The following LRBA variants were observed in gnomAD, a reference collection of about 807,000 sequenced individuals.
LRBA encodes lipopolysaccharide-responsive and beige-like anchor protein.
Under a neutral mutation model 330.0 loss-of-function variants are expected in LRBA, and 176 were observed. The ratio of observed to expected loss-of-function variants is 0.53; its 90% confidence interval spans 0.47 to 0.60. The LOEUF is 0.60. Ranked by LOEUF, LRBA falls within the 20% of genes least tolerant of loss-of-function variation. The probability of loss-of-function intolerance (pLI) is 0.00; values close to 1 mark genes in which losing one functional copy is unlikely to be tolerated. For missense variants in LRBA, 3,259 were observed against 3,444.8 expected (o/e 0.95, Z 1.35); for synonymous variants, 1,230 against 1,193.0 (o/e 1.03, Z -0.64).
chr4:150,540,256 G>A (rs1765169430), intron 40 of LRBA, among the ~76,000 whole-genome samples: 1 of 152,202 alleles, frequency 6.6e-6, no homozygotes, highest in Non-Finnish European at 1.5e-5. Context: ...GTCTCACTCT[G>A]TCACCCAGGC....
chr4:150,697,033 G>GAA (rs903444711), intron 36 of LRBA, among the ~76,000 whole-genome samples: 3 of 130,718 alleles, frequency 2.3e-5, no homozygotes, highest in African/African-American at 5.6e-5. Flanking sequence ...AAAGAAAAAA[G>GAA]AAAAAAAAAA....
intron 26 of LRBA, among the ~76,000 whole-genome samples, chr4:150,848,073 G>A (rs1750093655): frequency 6.6e-6 from 1 of 151,892 alleles, no homozygotes; most frequent in South Asian, 2.1e-4. Context: ...GCAGTGCAGT[G>A]GTGTGATCTT....
rs56731034 is a variant in LRBA, at chr4:150,639,819, G to GTATA, written c.5922-40692_5922-40689dup. On this transcript the variant is annotated intron_variant, in intron 37 of 56. Transcript: ENST00000651943. ...TATATATATATATGTGTGTGTGTGT[G>GTATA]TATATATATATATATATATATATAT... 2.2e-3 allele frequency among the ~76,000 whole-genome samples: 10 copies of GTATA among 4,512 alleles called. 1 individual carries two copies. The highest frequency in any genetic ancestry group is 2.8e-3 in the Non-Finnish European group (7 of 2,528). The allele number at this position is 4,512 out of a possible 152,430, so 3.0% of individuals were successfully genotyped here. A position where few individuals can be genotyped will look rare whatever the true frequency, so the allele number is the denominator to read the frequency against.
intron 15 of LRBA, among the ~76,000 whole-genome samples, 163 bp downstream of exon 15, chr4:150,897,576 G>T (rs1166583021): frequency 6.6e-6 from 1 of 151,586 alleles, no homozygotes; most frequent in Non-Finnish European, 1.5e-5. Flanking sequence ...ATCCATATAG[G>T]CTCCAAAAAA....
chr4:150,787,879 G>A (rs1304725968), intron 34 of LRBA, among the ~76,000 whole-genome samples: 1 of 152,030 alleles, frequency 6.6e-6, no homozygotes, highest in Non-Finnish European at 1.5e-5. Flanking sequence ...TTTGCCTATT[G>A]TGAACAGTGC....
At chr4:150,771,005 T>C (rs1041021702) in intron 34 of LRBA, among the ~76,000 whole-genome samples, 5 of 152,258 alleles carry the variant, frequency 3.3e-5, no homozygotes, top group African/African-American at 1.2e-4. Context: ...GATAACTCCA[T>C]TTTTGCCTGA....
intron 34 of LRBA, among the ~76,000 whole-genome samples, chr4:150,797,201 C>T (rs934953177): frequency 1.9e-4 from 29 of 151,880 alleles, no homozygotes; most frequent in African/African-American, 7.0e-4. Context: ...CATATAGGCA[C>T]TAAAACAAAT....
At chr4:150,700,167 A>C (rs1434266926) in intron 36 of LRBA, among the ~76,000 whole-genome samples, 2 of 152,146 alleles carry the variant, frequency 1.3e-5, no homozygotes, top group Non-Finnish European at 2.9e-5. Context: ...TTTCATATTT[A>C]TTGATATTAT....
intron 34 of LRBA, among the ~76,000 whole-genome samples, chr4:150,788,197 C>T (rs952990305): frequency 3.3e-5 from 5 of 151,314 alleles, no homozygotes; most frequent in African/African-American, 1.2e-4. Flanking sequence ...CCCAGCCTCC[C>T]AAGTGGCTGG....
chr4:150,995,366 C>T (rs927464110), intron 2 of LRBA, among the ~76,000 whole-genome samples: 1 of 151,102 alleles, frequency 6.6e-6, no homozygotes, highest in Non-Finnish European at 1.5e-5. Context: ...GAAAAAAGCC[C>T]CCAAGAATCA....
intron 40 of LRBA, among the ~76,000 whole-genome samples, chr4:150,527,798 T>C (rs1385942459): frequency 6.6e-6 from 1 of 152,152 alleles, no homozygotes; most frequent in Non-Finnish European, 1.5e-5. Flanking sequence ...ATTTGTACAA[T>C]ATTTAGATGG....
chr4:150,269,246 A>AACTT (rs564531186), intron 56 of LRBA, among the ~76,000 whole-genome samples: 39 of 152,316 alleles, frequency 2.6e-4, no homozygotes, highest in Admixed American at 9.8e-4. Flanking sequence ...CTGATTTGAA[A>AACTT]ACTTACTTAC....
intron 33 of LRBA, among the ~76,000 whole-genome samples, chr4:150,804,000 A>C (rs1434798703): frequency 6.6e-6 from 1 of 152,154 alleles, no homozygotes; most frequent in Admixed American, 6.5e-5. Flanking sequence ...GGCTGTATTT[A>C]ATACATACAT....
chr4:150,332,901 A>G (rs571329376), intron 48 of LRBA, among the ~76,000 whole-genome samples: 1 of 152,296 alleles, frequency 6.6e-6, no homozygotes, highest in African/African-American at 2.4e-5. Context: ...TGGATCTTCA[A>G]ATGGAAATAT....
intron 40 of LRBA, among the ~76,000 whole-genome samples, chr4:150,560,990 A>C (rs146386212): frequency 0.016 from 2,361 of 152,222 alleles, 32 homozygotes; most frequent in Non-Finnish European, 0.025. Flanking sequence ...CATCTCAAAA[A>C]AAAGAAAAAG....
intron 35 of LRBA, among the ~76,000 whole-genome samples, chr4:150,747,616 G>C (rs1252876726): frequency 2.0e-5 from 3 of 152,178 alleles, no homozygotes; most frequent in Non-Finnish European, 4.4e-5. Context: ...CAAACAGCAA[G>C]ATAACTGTGA....
chr4:150,523,116 G>T (rs114821550), intron 40 of LRBA, among the ~76,000 whole-genome samples: 4,287 of 152,308 alleles, frequency 0.028, 204 homozygotes, highest in South Asian at 0.24. Context: ...TATTCTGGAC[G>T]TTAAACTTTT....
At chr4:150,953,440 A>G (rs1737094624) in intron 2 of LRBA, among the ~76,000 whole-genome samples, 1 of 119,174 alleles carries the variant, frequency 8.4e-6, no homozygotes, top group Non-Finnish European at 1.6e-5. Context: ...TACTGCCGCC[A>G]TCTCGGCTCA....
intron 48 of LRBA, among the ~76,000 whole-genome samples, chr4:150,345,860 C>G (rs577176672): frequency 6.6e-6 from 1 of 152,148 alleles, no homozygotes; most frequent in African/African-American, 2.4e-5. Flanking sequence ...GGCTGGATTG[C>G]CATGGTACAA....
Sources: allele counts gnomAD v4.1 joint callset (sites outside exome capture counted in the v4.1 genomes callset), GRCh38; gene constraint gnomAD v4.1.1; transcripts MANE v1.5; gene names NCBI Gene and HGNC (gene_info 2026-07-23, HGNC 2026-07-21).